RPSA2: variants seen among roughly 807,000 people sequenced by gnomAD.
RPSA2 encodes ribosomal protein SA 2.
At chr19:23,869,182 C>T in the RPSA2 span, among the ~76,000 whole-genome samples, 7 of 152,224 alleles carry the variant, frequency 4.6e-5, no homozygotes, top group African/African-American at 1.7e-4. Context: ...TCCAGGACCC[C>T]TATGTCTGGC....
chr19:23,809,928 C>T, the RPSA2 span, among the ~76,000 whole-genome samples: 2 of 152,112 alleles, frequency 1.3e-5, no homozygotes, highest in African/African-American at 2.4e-5. Context: ...TTTAAAGGAG[C>T]AAACACCTCT....
the RPSA2 span, chr19:23,758,682 G>T: frequency 6.2e-7 from 1 of 1,613,324 alleles, no homozygotes. Flanking sequence ...AGCTGACTGC[G>T]GCGAGGTCTG....
At chr19:23,790,784 C>T in the RPSA2 span, 1 of 521,368 alleles carries the variant, frequency 1.9e-6, no homozygotes, top group East Asian at 4.5e-5. Flanking sequence ...GGTGAGATTG[C>T]CAGTTCCGAC....
the RPSA2 span, among the ~76,000 whole-genome samples, chr19:23,847,007 C>T: frequency 6.6e-6 from 1 of 151,984 alleles, no homozygotes; most frequent in East Asian, 1.9e-4. Context: ...TTTGTTTAGT[C>T]ACTTTATGTA....
the RPSA2 span, chr19:23,808,712 A>G: frequency 1.4e-6 from 1 of 692,024 alleles, no homozygotes; most frequent in African/African-American, 1.9e-5. Context: ...TATTTTTAAT[A>G]AAACAGGTAT....
At chr19:23,799,867 G>A in the RPSA2 span, among the ~76,000 whole-genome samples, 2 of 152,162 alleles carry the variant, frequency 1.3e-5, no homozygotes, top group African/African-American at 2.4e-5. Flanking sequence ...CAATGTCCAG[G>A]TGAATTTAGG....
chr19:23,865,854 G>A, the RPSA2 span, among the ~76,000 whole-genome samples: 1 of 152,182 alleles, frequency 6.6e-6, no homozygotes, highest in Non-Finnish European at 1.5e-5. Flanking sequence ...AAAAACTGGT[G>A]TGGTTAATAA....
chr19:23,777,320 C>T, the RPSA2 span, among the ~76,000 whole-genome samples: 1 of 152,212 alleles, frequency 6.6e-6, no homozygotes, highest in African/African-American at 2.4e-5. Context: ...GAGGCCAACA[C>T]CTAGGTGATG....
the RPSA2 span, among the ~76,000 whole-genome samples, chr19:23,781,228 C>A: frequency 1.8e-4 from 27 of 152,250 alleles, no homozygotes; most frequent in Admixed American, 7.9e-4. Flanking sequence ...CCACCTCGGC[C>A]TCCCAAAGTG....
the RPSA2 span, among the ~76,000 whole-genome samples, chr19:23,797,471 A>G: frequency 6.6e-6 from 1 of 152,092 alleles, no homozygotes; most frequent in Non-Finnish European, 1.5e-5. Flanking sequence ...TAATTTCATT[A>G]TTTATCAAGA....
At chr19:23,857,291 T>C in the RPSA2 span, among the ~76,000 whole-genome samples, 3 of 152,080 alleles carry the variant, frequency 2.0e-5, no homozygotes, top group Non-Finnish European at 4.4e-5. Flanking sequence ...GAAGATAACA[T>C]GATTAAGAGA....
At chr19:23,826,757 C>T in the RPSA2 span, among the ~76,000 whole-genome samples, 2 of 152,124 alleles carry the variant, frequency 1.3e-5, no homozygotes, top group Non-Finnish European at 2.9e-5. Flanking sequence ...GCGATCTTGG[C>T]TCACTGCAAC....
At chr19:23,785,823 A>G in the RPSA2 span, among the ~76,000 whole-genome samples, 59 of 152,292 alleles carry the variant, frequency 3.9e-4, no homozygotes, top group African/African-American at 1.3e-3. Context: ...GCTGTCTTTT[A>G]TAGCTAGGCC....
At chr19:23,794,119 G>A in the RPSA2 span, among the ~76,000 whole-genome samples, 1 of 152,172 alleles carries the variant, frequency 6.6e-6, no homozygotes, top group African/African-American at 2.4e-5. Context: ...CATTCAAGTT[G>A]ATTCCATGTC....
chr19:23,828,041 T>G, the RPSA2 span: 1 of 640,240 alleles, frequency 1.6e-6, no homozygotes, highest in South Asian at 1.9e-5. Context: ...AACCACTGAC[T>G]GGTCTTAAGC....
chr19:23,811,381 G>T, the RPSA2 span, among the ~76,000 whole-genome samples: 1 of 152,098 alleles, frequency 6.6e-6, no homozygotes, highest in Non-Finnish European at 1.5e-5. Flanking sequence ...TATTTTGACT[G>T]TAAGCAATTC....
chr19:23,864,887 C>T, the RPSA2 span, among the ~76,000 whole-genome samples: 1 of 152,088 alleles, frequency 6.6e-6, no homozygotes, highest in Non-Finnish European at 1.5e-5. Flanking sequence ...GACAACCACC[C>T]TCTTCTCCCT....
the RPSA2 span, among the ~76,000 whole-genome samples, chr19:23,790,021 A>G: frequency 1.3e-5 from 2 of 151,674 alleles, no homozygotes; most frequent in African/African-American, 4.8e-5. Flanking sequence ...ATTTTTTGAG[A>G]TGAAGTATTG....
At chr19:23,771,074 C>G in the RPSA2 span, among the ~76,000 whole-genome samples, 1 of 152,182 alleles carries the variant, frequency 6.6e-6, no homozygotes, top group Admixed American at 6.5e-5. Flanking sequence ...AATTAACACT[C>G]TCTCACATAC....
Sources: allele counts gnomAD v4.1 joint callset (sites outside exome capture counted in the v4.1 genomes callset), GRCh38; gene constraint gnomAD v4.1.1; transcripts MANE v1.5; gene names NCBI Gene and HGNC (gene_info 2026-07-23, HGNC 2026-07-21).